Variants in CAMTA1 observed in about 807,000 individuals in gnomAD.
CAMTA1 encodes the protein calmodulin-binding transcription activator 1.
A neutral mutation model predicts 170.9 loss-of-function variants in CAMTA1; 27 were observed. The observed-to-expected ratio is 0.16, with a 90% CI of 0.12 to 0.22. The LOEUF is 0.22. Among genes scored for constraint, CAMTA1 ranks in the 10% least tolerant of loss-of-function variants. The pLI is 1.00. For missense variants in CAMTA1, 1,619 were observed against 2,217.2 expected, an observed-to-expected ratio of 0.73 and a Z score of 5.42; for synonymous variants, 833 against 891.5, an observed-to-expected ratio of 0.93 and a Z score of 1.17.
chr1:7,360,256 C>T, intron 5 of CAMTA1, among the ~76,000 whole-genome samples: 1 of 152,142 alleles, frequency 6.6e-6, no homozygotes, highest in African/African-American at 2.4e-5. Context: ...TGTTAGGGGA[C>T]TCAACCCATA....
In CAMTA1 at chr1:7,661,661, T is replaced by C. The variant is rs2095958841; in HGVS notation, c.665-65T>C. On this transcript the variant is annotated intron_variant, in intron 7 of 22. Transcript: ENST00000303635. ...CAGGGAGGGCCTGGGTCCTACCCCT[T>C]GGCCCCACCCAGGTCCCCTCTGCAC... 7.0e-6 allele frequency: 11 copies of C among 1,581,826 alleles called. No individual in the cohort carries two copies. The South Asian group carries it at 1.2e-4, about 18-fold the overall frequency.
intron 5 of CAMTA1, among the ~76,000 whole-genome samples, chr1:7,457,961 C>T (rs946323649): frequency 2.0e-5 from 3 of 152,176 alleles, no homozygotes; most frequent in Non-Finnish European, 4.4e-5. Context: ...GCCAGAGGCC[C>T]GCAGGCACTT....
chr1:7,636,705 A>G (rs896315242), intron 6 of CAMTA1, among the ~76,000 whole-genome samples: 2 of 139,452 alleles, frequency 1.4e-5, no homozygotes, highest in African/African-American at 6.6e-5. Flanking sequence ...GTGAAACTCC[A>G]TCTCAAAAAA....
chr1:7,422,883 G>A (rs1051848265), intron 5 of CAMTA1, among the ~76,000 whole-genome samples: 13 of 152,232 alleles, frequency 8.5e-5, no homozygotes, highest in South Asian at 2.1e-4. Context: ...CCGTGGATGC[G>A]AGGGGCCCTT....
chr1:7,724,142 G>C (rs1371585729), intron 11 of CAMTA1, among the ~76,000 whole-genome samples: 1 of 152,198 alleles, frequency 6.6e-6, no homozygotes, highest in East Asian at 1.9e-4. Flanking sequence ...ATCTTGAAAA[G>C]TAAAGGAATA....
intron 3 of CAMTA1, among the ~76,000 whole-genome samples, chr1:7,062,188 G>A (rs1161668338): frequency 1.3e-5 from 2 of 152,150 alleles, no homozygotes; most frequent in African/African-American, 2.4e-5. Context: ...AAAGTGCTGG[G>A]ATTACAGACG....
At chr1:7,386,954 G>A (rs886292292) in intron 5 of CAMTA1, among the ~76,000 whole-genome samples, 1 of 152,166 alleles carries the variant, frequency 6.6e-6, no homozygotes, top group Non-Finnish European at 1.5e-5. Flanking sequence ...TGGTTTCCAT[G>A]ATGCTACATC....
chr1:7,567,824 A>G (rs772414434), intron 6 of CAMTA1, among the ~76,000 whole-genome samples: 1 of 152,218 alleles, frequency 6.6e-6, no homozygotes, highest in Non-Finnish European at 1.5e-5. Flanking sequence ...TGAAAGGTGA[A>G]GAGAGAAAAC....
At chr1:6,898,529 G>C (rs1439881435) in intron 3 of CAMTA1, among the ~76,000 whole-genome samples, 1 of 152,176 alleles carries the variant, frequency 6.6e-6, no homozygotes, top group Non-Finnish European at 1.5e-5. Context: ...CTCCAGCCTG[G>C]GTGACAGAGC....
At chr1:7,140,202 C>G (rs1645811038) in intron 4 of CAMTA1, among the ~76,000 whole-genome samples, 1 of 152,178 alleles carries the variant, frequency 6.6e-6, no homozygotes, top group South Asian at 2.1e-4. Context: ...TTCTCAAGCC[C>G]AACCTTGTAC....
At chr1:6,834,297 A>T (rs1227821818) in intron 3 of CAMTA1, 1 of 191,790 alleles carries the variant, frequency 5.2e-6, no homozygotes, top group East Asian at 1.3e-4. Context: ...TAAAACCAGA[A>T]CATTTACTGC....
intron 6 of CAMTA1, among the ~76,000 whole-genome samples, chr1:7,483,040 G>A (rs1190029492): frequency 6.6e-6 from 1 of 152,202 alleles, no homozygotes; most frequent in Non-Finnish European, 1.5e-5. Context: ...CCAGACAGGA[G>A]GCTGAGCCAA....
At chr1:7,722,579 T>C (rs2096656726) in intron 11 of CAMTA1, among the ~76,000 whole-genome samples, 1 of 152,324 alleles carries the variant, frequency 6.6e-6, no homozygotes, top group East Asian at 1.9e-4. Context: ...TCTAATATTG[T>C]TGGAAACTAA....
chr1:7,743,170 A>C (rs1282984069), intron 16 of CAMTA1, among the ~76,000 whole-genome samples: 2 of 151,984 alleles, frequency 1.3e-5, no homozygotes, highest in African/African-American at 4.8e-5. Flanking sequence ...ATTTTTCTTA[A>C]ATTTTTTATT....
intron 6 of CAMTA1, among the ~76,000 whole-genome samples, chr1:7,553,799 C>T (rs1377377963): frequency 6.6e-5 from 6 of 90,384 alleles, no homozygotes; most frequent in Non-Finnish European, 1.7e-4. Context: ...GGAGGTCGTG[C>T]TCTGCAGGGC....
chr1:7,022,248 T>C (rs138662881), intron 3 of CAMTA1, among the ~76,000 whole-genome samples: 6 of 152,250 alleles, frequency 3.9e-5, no homozygotes, highest in Non-Finnish European at 7.4e-5. Context: ...CCTCAGCCAC[T>C]TATGCATTCC....
intron 7 of CAMTA1, among the ~76,000 whole-genome samples, chr1:7,640,803 A>G (rs1371479949): frequency 2.0e-5 from 3 of 152,206 alleles, no homozygotes; most frequent in Non-Finnish European, 4.4e-5. Context: ...GTTTGGAGAC[A>G]CAGAGCATGT....
At chr1:7,446,095 C>T (rs575373890) in intron 5 of CAMTA1, among the ~76,000 whole-genome samples, 106 of 151,972 alleles carry the variant, frequency 7.0e-4, no homozygotes, top group African/African-American at 2.5e-3. Flanking sequence ...CTCCGCCCGC[C>T]GCTCACCTTG....
chr1:7,145,624 A>C (rs951742752), intron 4 of CAMTA1, among the ~76,000 whole-genome samples: 2 of 152,068 alleles, frequency 1.3e-5, no homozygotes, highest in Non-Finnish European at 2.9e-5. Flanking sequence ...AAGACACAGG[A>C]AAATGACAGC....
Sources: gnomAD v4.1 joint callset for allele counts (sites outside exome capture counted in the v4.1 genomes callset) on GRCh38, gnomAD v4.1.1 for gene constraint, MANE v1.5 for transcripts, NCBI Gene and HGNC (gene_info 2026-07-23, HGNC 2026-07-21) for gene names.